Variants in ANKS1B observed in about 807,000 individuals in gnomAD.
ANKS1B encodes the protein ankyrin repeat and sterile alpha motif domain containing 1B.
In ANKS1B, 36 loss-of-function variants were observed where a neutral mutation model predicts 148.3. The observed-to-expected ratio is 0.24, with a 90% CI of 0.19 to 0.32. The LOEUF (loss-of-function observed/expected upper bound fraction) is 0.32. Ranked by LOEUF, ANKS1B falls within the 10% of genes least tolerant of loss-of-function variation. ANKS1B has a pLI of 1.00. For synonymous variants in ANKS1B, 542 were observed against 560.8 expected (o/e 0.97, Z 0.47); for missense variants, 1,157 against 1,542.6 (o/e 0.75, Z 4.19).
intron 17 of ANKS1B, among the ~76,000 whole-genome samples, chr12:98,921,227 C>A (rs912776219): frequency 3.3e-5 from 5 of 152,094 alleles, no homozygotes; most frequent in Non-Finnish European, 2.9e-5. Flanking sequence ...GGAGCAATTA[C>A]CACAAGTTAG....
At chr12:99,412,589 A>G (rs1327385215) in intron 11 of ANKS1B, among the ~76,000 whole-genome samples, 1 of 152,114 alleles carries the variant, frequency 6.6e-6, no homozygotes, top group Non-Finnish European at 1.5e-5. Flanking sequence ...ATCTAGCAAT[A>G]TTTGATTTTA....
chr12:99,862,804 G>A (rs1409668739), intron 1 of ANKS1B, among the ~76,000 whole-genome samples: 1 of 152,176 alleles, frequency 6.6e-6, no homozygotes, highest in Non-Finnish European at 1.5e-5. Flanking sequence ...CAGTAAGTAT[G>A]AGAATGCAAA....
chr12:99,456,727 A>AT lies in ANKS1B; in HGVS notation c.1439-12919dup, dbSNP rs201082268. Among the ~76,000 whole-genome samples the AT allele has an allele frequency of 8.9e-3, 1,344 of 151,276 alleles. 11 individuals carry two copies. The highest frequency in any genetic ancestry group is 0.03 in the African/African-American group (1,240 of 41,312). Reference sequence around the variant, plus strand: ...ACCCAATCTGATAAAGACAAAGAAAATTTTTTTTTTAAAATGAACAAGGCC... The same window carrying AT: ...ACCCAATCTGATAAAGACAAAGAAAATTTTTTTTTTTAAAATGAACAAGGCC... On this transcript the variant is annotated intron_variant, in intron 10 of 26. Transcript: ENST00000683438.
At chr12:99,922,017 C>T (rs1490251803) in intron 1 of ANKS1B, among the ~76,000 whole-genome samples, 3 of 152,128 alleles carry the variant, frequency 2.0e-5, no homozygotes, top group Non-Finnish European at 4.4e-5. Flanking sequence ...GCCAGCTCTG[C>T]CACTTAGGTG....
At chr12:99,144,773 T>C (rs780340024) in intron 15 of ANKS1B, among the ~76,000 whole-genome samples, 3 of 151,992 alleles carry the variant, frequency 2.0e-5, no homozygotes, top group Non-Finnish European at 2.9e-5. Flanking sequence ...CAAATATGAC[T>C]GGTGCATATT....
At chr12:99,172,603 TGA>T (rs2077904315) in intron 14 of ANKS1B, among the ~76,000 whole-genome samples, 1 of 152,174 alleles carries the variant, frequency 6.6e-6, no homozygotes, top group African/African-American at 2.4e-5. Flanking sequence ...AAGTCAGACA[TGA>T]GAGGATTCTT....
chr12:99,306,866 A>G (rs754426420), intron 12 of ANKS1B, among the ~76,000 whole-genome samples: 2 of 151,938 alleles, frequency 1.3e-5, no homozygotes, highest in Non-Finnish European at 2.9e-5. Context: ...TTTTATATTT[A>G]TCCTTAGTAA....
intron 9 of ANKS1B, among the ~76,000 whole-genome samples, chr12:99,631,066 G>C (rs1325986791): frequency 6.6e-6 from 1 of 151,990 alleles, no homozygotes; most frequent in African/African-American, 2.4e-5. Flanking sequence ...ACATGACTTT[G>C]CTCCTCATTC....
chr12:98,753,488 C>T lies in ANKS1B; in HGVS notation c.3580-1966G>A, dbSNP rs565906114. Among the ~76,000 whole-genome samples, 33 of 152,210 alleles carry T rather than the reference C, an allele frequency of 2.2e-4. No homozygotes were observed. The South Asian group carries it at 5.6e-3, about 26-fold the overall frequency. ...TTTTGCCCAGGCTGGAGTGCAATGG[C>T]ACAATCTCGGCTCACTGCCACCTCC... On this transcript the variant is annotated intron_variant, in intron 25 of 26. Transcript: ENST00000683438.
intron 9 of ANKS1B, among the ~76,000 whole-genome samples, chr12:99,507,480 A>G (rs1284346800): frequency 6.6e-6 from 1 of 151,970 alleles, no homozygotes; most frequent in African/African-American, 2.4e-5. Flanking sequence ...GCATGCTGAG[A>G]TAACTGAGGG....
chr12:99,445,455 C>T (rs1394178168), intron 10 of ANKS1B, among the ~76,000 whole-genome samples: 1 of 151,830 alleles, frequency 6.6e-6, no homozygotes. Flanking sequence ...ATATATTTGT[C>T]CAACTCATGG....
At chr12:99,061,138 G>C (rs932396480) in intron 16 of ANKS1B, among the ~76,000 whole-genome samples, 2 of 152,182 alleles carry the variant, frequency 1.3e-5, no homozygotes, top group Non-Finnish European at 2.9e-5. Context: ...CCGGACTAGA[G>C]ACAAGATACA....
chr12:99,221,233 G>A (rs1005627436), intron 14 of ANKS1B, among the ~76,000 whole-genome samples: 2 of 152,012 alleles, frequency 1.3e-5, no homozygotes, highest in African/African-American at 4.8e-5. Flanking sequence ...CCAGCTACTC[G>A]GGAGGCTGAG....
chr12:99,849,911 G>A (rs188904164), intron 1 of ANKS1B, among the ~76,000 whole-genome samples: 8 of 152,072 alleles, frequency 5.3e-5, no homozygotes, highest in Admixed American at 2.6e-4. Context: ...TAATGACTTC[G>A]TGAAAATACA....
intron 1 of ANKS1B, among the ~76,000 whole-genome samples, chr12:99,827,024 T>G (rs1256770261): frequency 6.6e-6 from 1 of 151,484 alleles, no homozygotes; most frequent in African/African-American, 2.4e-5. Context: ...GAGGCTGAGG[T>G]AGAAGGGTTG....
At chr12:98,786,834 C>G (rs1461323264) in intron 22 of ANKS1B, among the ~76,000 whole-genome samples, 2 of 152,150 alleles carry the variant, frequency 1.3e-5, no homozygotes, top group African/African-American at 2.4e-5. Context: ...AGGACGCCAC[C>G]AACCCTTCAT....
chr12:99,289,196 G>T (rs1005917958), intron 12 of ANKS1B, among the ~76,000 whole-genome samples: 38 of 151,994 alleles, frequency 2.5e-4, no homozygotes, highest in East Asian at 1.9e-4. Flanking sequence ...AACAATAAAG[G>T]TGTCAATTCA....
intron 26 of ANKS1B, among the ~76,000 whole-genome samples, chr12:98,747,588 G>A (rs2097923622): frequency 6.6e-6 from 1 of 152,206 alleles, no homozygotes; most frequent in South Asian, 2.1e-4. Flanking sequence ...ATATGTTCCA[G>A]CAACCCCACT....
rs142010668 is a variant in ANKS1B at position 99,611,170 on chromosome 12, G to A, written c.1272+43897C>T. Among the ~76,000 whole-genome samples the A allele has an allele frequency of 1.0e-3, 154 of 152,104 alleles. 3 individuals carry two copies. Among genetic ancestry groups the A allele is most frequent in the African/African-American group, 3.1e-3 (129 of 41,518 alleles). Reference sequence around the variant, plus strand: ...AATAATAGTCTAGAAATCAGAACTCGTAATCGTAATACTATTTAGGCAATG... The same window carrying A: ...AATAATAGTCTAGAAATCAGAACTCATAATCGTAATACTATTTAGGCAATG... On this transcript the variant is annotated intron_variant, in intron 9 of 26. Coordinates refer to ENST00000683438, the MANE Select transcript of ANKS1B (RefSeq NM_001352186.2).
Sources: allele counts gnomAD v4.1 joint callset (sites outside exome capture counted in the v4.1 genomes callset), GRCh38; gene constraint gnomAD v4.1.1; transcripts MANE v1.5; gene names NCBI Gene and HGNC (gene_info 2026-07-23, HGNC 2026-07-21).